Variants in CASTOR2 observed in about 807,000 individuals in gnomAD.
The protein encoded by CASTOR2 is GATS protein like 2.
In CASTOR2, 8 loss-of-function variants were observed where a neutral mutation model predicts 31.2. That is an observed-to-expected ratio of 0.26 (90% CI 0.15 to 0.46). CASTOR2 has a LOEUF of 0.46. Among genes scored for constraint, CASTOR2 ranks in the 20% least tolerant of loss-of-function variants. The probability of loss-of-function intolerance (pLI) is 0.99; values close to 1 mark genes in which losing one functional copy is unlikely to be tolerated. For synonymous variants in CASTOR2, 162 were observed against 158.7 expected (o/e 1.02, Z -0.16); for missense variants, 216 against 382.1 (o/e 0.57, Z 3.62).
Position 75,025,147 on chromosome 7 carries a change from G to T in CASTOR2, c.*448G>T, listed in dbSNP as rs1805092469. On this transcript the variant is annotated 3_prime_UTR_variant, in exon 9 of 9. Coordinates refer to ENST00000616305, the MANE Select transcript of CASTOR2 (RefSeq NM_001145064.3). ...GTTTGGGGTGCCCTGGAGGGTTTGG[G>T]GGTGAGTACTGTGGTCACTGGTCTC... is the stretch of plus-strand genomic sequence containing the variant. Among the ~76,000 whole-genome samples the T allele has an allele frequency of 6.6e-6, 1 of 152,222 alleles. No homozygotes were observed. The highest frequency in any genetic ancestry group is 6.5e-5 in the Admixed American group (1 of 15,280).
At position 74,999,601 on chromosome 7, in the gene CASTOR2, CTTTTTTTTTTTTTTTTT is replaced by C. The variant is rs1158456043; in HGVS notation, c.114-8374_114-8358del. 3.5e-3 allele frequency among the ~76,000 whole-genome samples: 158 copies of C among 45,782 alleles called. 1 individual carries two copies. The highest frequency in any genetic ancestry group is 8.8e-3 in the African/African-American group (70 of 7,976). The allele number at this position is 45,782 out of a possible 152,430, so 30.0% of individuals were successfully genotyped here. A position where few individuals can be genotyped will look rare whatever the true frequency, so the allele number is the denominator to read the frequency against. On this transcript the variant is annotated intron_variant, in intron 1 of 8. Coordinates refer to ENST00000616305, the MANE Select transcript of CASTOR2 (RefSeq NM_001145064.3). ...CCCGAAACACTTCTATCACTCACTGCTTTTTTTTTTTTTTTTTTTTTTTTTTTTTTTTTTTGAGACGG... is the reference window on the plus strand; with the variant it reads ...CCCGAAACACTTCTATCACTCACTGCTTTTTTTTTTTTTTTTTTGAGACGG...
At position 75,017,629 on chromosome 7, in the gene CASTOR2, A is replaced by G. The variant is rs1397995012; in HGVS notation, c.216A>G (p.Ala72=). The G allele has an allele frequency of 3.1e-6, 5 of 1,614,018 alleles. No individual in the cohort carries two copies. The highest frequency in any genetic ancestry group is 4.2e-6 in the Non-Finnish European group (5 of 1,179,870). The change falls in exon 3 of 9, where the codon GCA becomes GCG. Residue 72 remains alanine (A), a synonymous_variant. Coordinates refer to ENST00000616305, the MANE Select transcript of CASTOR2 (RefSeq NM_001145064.3). ...CCTCCTCGGAGCACCTGAGTGTGGC[A>G]GATGCCACCTGGCTGGCCCTGAACG... The part of the protein sequence containing the change: ...ELPSSEHLSV[A]DATWLALNVV...
intron 2 of CASTOR2, among the ~76,000 whole-genome samples, chr7:75,015,837 C>T (rs1804851485): frequency 1.3e-5 from 2 of 151,512 alleles, no homozygotes; most frequent in South Asian, 2.1e-4. Flanking sequence ...GAGGCCAAGG[C>T]GGGTGGATCA....
intron 1 of CASTOR2, among the ~76,000 whole-genome samples, chr7:74,992,717 C>T (rs374118515): frequency 0.1 from 15,166 of 152,036 alleles, 908 homozygotes; most frequent in Middle Eastern, 0.28. Context: ...GGATTACAGG[C>T]GTGAGCCACT....
chr7:75,011,371 A>G (rs1370081227), intron 2 of CASTOR2, among the ~76,000 whole-genome samples: 28 of 150,892 alleles, frequency 1.9e-4, no homozygotes, highest in African/African-American at 5.8e-4. Context: ...AGAGGCTGCA[A>G]TGAGCCAAGA....
At chr7:75,009,424 C>T (rs1157300171) in intron 2 of CASTOR2, among the ~76,000 whole-genome samples, 6 of 151,388 alleles carry the variant, frequency 4.0e-5, no homozygotes, top group East Asian at 2.0e-4. Context: ...CCCGCCACCA[C>T]GCCCGGCTAA....
chr7:74,994,107 G>A (rs1307107546), intron 1 of CASTOR2, among the ~76,000 whole-genome samples: 3 of 152,242 alleles, frequency 2.0e-5, no homozygotes, highest in Non-Finnish European at 4.4e-5. Flanking sequence ...TCCACAACAG[G>A]CAGCCGCAGC....
rs1302346173 is a variant in CASTOR2 at position 75,030,162 on chromosome 7, G to A, written c.*5463G>A. 6.6e-6 allele frequency among the ~76,000 whole-genome samples: 1 copy of A among 152,232 alleles called. No individual in the cohort carries two copies. Among genetic ancestry groups the A allele is most frequent in the African/African-American group, 2.4e-5 (1 of 41,454 alleles). ...GGAGCTATGGAAATTGGAAGTGCAG[G>A]GTGGCCTGTGTGCTAGGAGTGGGGG... On this transcript the variant is annotated 3_prime_UTR_variant, in exon 9 of 9. Transcript: ENST00000616305.
In CASTOR2 at chr7:74,972,719, G is replaced by A. The variant is rs1323543621; in HGVS notation, c.113+7621G>A. 1.1e-4 allele frequency among the ~76,000 whole-genome samples: 17 copies of A among 150,440 alleles called. 2 individuals carry two copies. The highest frequency in any genetic ancestry group is 2.0e-4 in the Admixed American group (3 of 15,026). ...TTTTGAGACAGAGTCTTGCTCTGTC[G>A]CCCAGCCTGGAGTGCAATGGCGCAA... On this transcript the variant is annotated intron_variant, in intron 1 of 8. Coordinates refer to ENST00000616305, the MANE Select transcript of CASTOR2 (RefSeq NM_001145064.3).
rs1007598883 is a variant in CASTOR2 at position 75,030,963 on chromosome 7, T to C, written c.*6264T>C. 2.0e-5 allele frequency among the ~76,000 whole-genome samples: 3 copies of C among 152,138 alleles called. No homozygotes were observed. Among genetic ancestry groups the C allele is most frequent in the Admixed American group, 6.6e-5 (1 of 15,260 alleles). On this transcript the variant is annotated 3_prime_UTR_variant, in exon 9 of 9. Transcript: ENST00000616305. ...AGACCCCTGCCCCTCACCCAAACTT[T>C]GGAGGTGGCAGGGTGAACAGCAGGC... is the stretch of plus-strand genomic sequence containing the variant.
chr7:75,026,020 C>T lies in CASTOR2; in HGVS notation c.*1321C>T, dbSNP rs1033119145. Among the ~76,000 whole-genome samples, 6 of 152,004 alleles carry T rather than the reference C, an allele frequency of 3.9e-5. No individual in the cohort carries two copies. Among genetic ancestry groups the T allele is most frequent in the African/African-American group, 1.2e-4 (5 of 41,368 alleles). ...ACCAGCTGTAGTTCTATCTGAGCAC[C>T]GGAGGGGGTGAGGGAACCCGAGGGC... On this transcript the variant is annotated 3_prime_UTR_variant, in exon 9 of 9. Coordinates refer to ENST00000616305, the MANE Select transcript of CASTOR2 (RefSeq NM_001145064.3).
intron 1 of CASTOR2, among the ~76,000 whole-genome samples, chr7:74,986,966 G>A (rs1584462597): frequency 6.6e-6 from 1 of 152,176 alleles, no homozygotes; most frequent in Non-Finnish European, 1.5e-5. Context: ...CAAGGTGGGA[G>A]AATCTCTTGA....
intron 1 of CASTOR2, among the ~76,000 whole-genome samples, chr7:74,977,370 T>G (rs1803840487): frequency 6.6e-6 from 1 of 150,792 alleles, no homozygotes; most frequent in Non-Finnish European, 1.5e-5. Context: ...GGTGCTAAAT[T>G]GAAACTTTTT....
rs1202078889 is a variant in CASTOR2 at position 74,982,046 on chromosome 7, T to C, written c.113+16948T>C. Reference sequence around the variant, plus strand: ...TCACACCATTGCACTCTAGCCTGGTTGACAAAGTGAGACCCAGTCTCAAGA... The same window carrying C: ...TCACACCATTGCACTCTAGCCTGGTCGACAAAGTGAGACCCAGTCTCAAGA... On this transcript the variant is annotated intron_variant, in intron 1 of 8. Coordinates refer to ENST00000616305, the MANE Select transcript of CASTOR2 (RefSeq NM_001145064.3). Among the ~76,000 whole-genome samples the C allele has an allele frequency of 2.1e-4, 19 of 88,450 alleles. 1 individual carries two copies. The South Asian group carries it at 5.9e-3, about 27-fold the overall frequency. 58.0% of individuals were successfully genotyped at this position (88,450 alleles called of 152,430 possible).
chr7:75,011,051 G>T (rs1446093965), intron 2 of CASTOR2, among the ~76,000 whole-genome samples: 197 of 151,910 alleles, frequency 1.3e-3, no homozygotes, highest in African/African-American at 3.6e-3. Flanking sequence ...GGTGGGGTTT[G>T]GTTTCACCAT....
At chr7:74,991,792 C>T (rs1393068278) in intron 1 of CASTOR2, among the ~76,000 whole-genome samples, 1 of 151,998 alleles carries the variant, frequency 6.6e-6, no homozygotes, top group Non-Finnish European at 1.5e-5. Flanking sequence ...AGGGGCCCAG[C>T]AGTGGTCACA....
At position 75,030,223 on chromosome 7, in the gene CASTOR2, A is replaced by G. The variant is rs1186118134; in HGVS notation, c.*5524A>G. On this transcript the variant is annotated 3_prime_UTR_variant, in exon 9 of 9. Coordinates refer to ENST00000616305, the MANE Select transcript of CASTOR2 (RefSeq NM_001145064.3). ...GGTGTGTTTATGCACACGTTTGTGC[A>G]TGTACCTGTGAGCGTGGATGTGTTC... Among the ~76,000 whole-genome samples, 1 of 152,204 alleles carries G rather than the reference A, an allele frequency of 6.6e-6. No homozygotes were observed. Among genetic ancestry groups the G allele is most frequent in the African/African-American group, 2.4e-5 (1 of 41,450 alleles).
rs925174617 is a variant in CASTOR2, at chr7:75,031,140, T to A, written c.*6441T>A. 6.6e-6 allele frequency among the ~76,000 whole-genome samples: 1 copy of A among 152,154 alleles called. No homozygotes were observed. Among genetic ancestry groups the A allele is most frequent in the East Asian group, 1.9e-4 (1 of 5,178 alleles). ...TAACAGTCCCAAGCCCTCCTCTTTC[T>A]CTATGCCAAAATCATTTCCGTTATC... On this transcript the variant is annotated 3_prime_UTR_variant, in exon 9 of 9. Coordinates refer to ENST00000616305, the MANE Select transcript of CASTOR2 (RefSeq NM_001145064.3).
intron 1 of CASTOR2, among the ~76,000 whole-genome samples, chr7:75,005,022 C>T (rs1804575231): frequency 6.6e-6 from 1 of 151,700 alleles, no homozygotes; most frequent in Admixed American, 6.6e-5. Flanking sequence ...CCCACTGCCA[C>T]GCCTGGCTAA....
Sources: gnomAD v4.1 joint callset for allele counts (sites outside exome capture counted in the v4.1 genomes callset) on GRCh38, gnomAD v4.1.1 for gene constraint, MANE v1.5 for transcripts, NCBI Gene and HGNC (gene_info 2026-07-23, HGNC 2026-07-21) for gene names.